The following ANKRD24 variants were observed in gnomAD, a reference collection of about 807,000 sequenced individuals.
ANKRD24 encodes the protein ankyrin repeat domain-containing protein 24.
A neutral mutation model predicts 127.8 loss-of-function variants in ANKRD24; 109 were observed. That is an observed-to-expected ratio of 0.85 (90% confidence interval 0.73 to 1.00). The LOEUF is 1.00. Among genes scored for constraint, ANKRD24 ranks in the 50% least tolerant of loss-of-function variants. The pLI is 0.00. For missense variants in ANKRD24, 1,648 were observed against 1,570.2 expected (o/e 1.05, Z -0.84); for synonymous variants, 743 against 671.1 (o/e 1.11, Z -1.66).
In ANKRD24 at chr19:4,207,964, C is replaced by T. The variant is rs1334584688; in HGVS notation, c.828C>T (p.Pro276=). 2 of 1,491,894 alleles carry T rather than the reference C, an allele frequency of 1.3e-6. No individual in the cohort carries two copies. The highest frequency in any genetic ancestry group is 1.8e-6 in the Non-Finnish European group (2 of 1,122,682). 92.4% of individuals were successfully genotyped at this position (1,491,894 alleles called of 1,614,324 possible). A position where few individuals can be genotyped will look rare whatever the true frequency, so the allele number is the denominator to read the frequency against. Residue 276 remains proline (P), a synonymous_variant, in exon 10 of 22, where the codon CCC becomes CCT. Transcript: ENST00000318934. ...AGGCGGCCCAGCGCCCCTCCCCACC[C>T]AGCGGTATGCAAGCCCCACCTCCCC... ...LQEAAQRPSP[P]SALTEDDSGE...
chr19:4,187,871 G>A lies in ANKRD24; in HGVS notation c.36+1410G>A, dbSNP rs1377203448. ...ATAGGGAGGATTTAGAGAAGTGAAG[G>A]CAGGCACGTGAGGAGCGGGGCACGG... On this transcript the variant is annotated intron_variant, in intron 2 of 21. Transcript: ENST00000318934. Among the ~76,000 whole-genome samples, 3 of 152,150 alleles carry A rather than the reference G, an allele frequency of 2.0e-5. 1 individual carries two copies. The highest frequency in any genetic ancestry group is 4.1e-4 in the South Asian group (2 of 4,830).
intron 7 of ANKRD24, among the ~76,000 whole-genome samples, chr19:4,206,831 C>T (rs1969412572): frequency 6.6e-6 from 1 of 152,180 alleles, no homozygotes; most frequent in Admixed American, 6.6e-5. Context: ...AGCAGGGTCA[C>T]ACCCAGGCAG....
intron 2 of ANKRD24, among the ~76,000 whole-genome samples, chr19:4,190,218 G>A (rs1325034566): frequency 6.6e-6 from 1 of 151,174 alleles, no homozygotes; most frequent in African/African-American, 2.4e-5. Context: ...GGTGGGTCAC[G>A]AGGTCAGGAG....
chr19:4,201,888 G>GA, intron 5 of ANKRD24, 138 bp from the exon 6 acceptor site: 1 of 726,380 alleles, frequency 1.4e-6, no homozygotes, highest in South Asian at 1.7e-5. Flanking sequence ...TTTCTGCAGG[G>GA]AAAAAAGGAG....
intron 18 of ANKRD24, 80 bp from the exon 19 acceptor site, chr19:4,219,511 A>G: frequency 6.8e-7 from 1 of 1,475,492 alleles, no homozygotes; most frequent in South Asian, 1.3e-5. Context: ...AGAACAAAGT[A>G]GAAGGATCAT....
At chr19:4,214,841 G>A (rs1373468612) in intron 15 of ANKRD24, among the ~76,000 whole-genome samples, 10 of 152,056 alleles carry the variant, frequency 6.6e-5, no homozygotes, top group Non-Finnish European at 1.2e-4. Flanking sequence ...GCGACAGAGC[G>A]AGACTCTCTC....
chr19:4,216,995 CAGA>C lies in ANKRD24; in HGVS notation c.1844_1846del (p.Glu615del), dbSNP rs756553980. 17 of 1,613,396 alleles carry C rather than the reference CAGA, an allele frequency of 1.1e-5. No individual in the cohort carries two copies. Among genetic ancestry groups the C allele is most frequent in the Middle Eastern group, 1.6e-4 (1 of 6,084 alleles). Reference sequence around the variant, plus strand: ...GCTGAGGTCAGAGAAATGGAGACCACAGAAGAAGAAGCAAACATGGAAACTAAG... The same window carrying C: ...GCTGAGGTCAGAGAAATGGAGACCACAGAAGAAGCAAACATGGAAACTAAG... On this transcript the variant is annotated inframe_deletion, in exon 18 of 22. Transcript: ENST00000318934.
intron 20 of ANKRD24, among the ~76,000 whole-genome samples, chr19:4,223,372 C>CATACATATATATATATATATATAT (rs1490877860): frequency 1.4e-4 from 10 of 72,896 alleles, no homozygotes; most frequent in African/African-American, 6.9e-4. Flanking sequence ...CCTGGCCATA[C>CATACATATATATATATATATATAT]ATATATATAT....
In ANKRD24 at chr19:4,200,156, A is replaced by G; in HGVS notation, c.328A>G (p.Ser110Gly). ...GATAGCTCATGGCAGCAATGTCATG[A>G]GCGCGGACGGGGCAGGTACTGCCAG... ...VMIAHGSNVM[S>G]ADGAGYNALH... The change falls in exon 5 of 22, where the codon AGC becomes GGC. Residue 110 changes from serine (S) to glycine (G), a missense_variant. By Grantham distance (56) the Ser-to-Gly change is moderately conservative. Coordinates refer to ENST00000318934, the MANE Select transcript of ANKRD24 (RefSeq NM_001393985.1). 1 of 1,606,030 alleles carries G rather than the reference A, an allele frequency of 6.2e-7. No individual in the cohort carries two copies. The highest frequency in any genetic ancestry group is 1.1e-5 in the South Asian group (1 of 89,688).
At position 4,199,370 on chromosome 19, in the gene ANKRD24, C is replaced by T; in HGVS notation, c.37-313C>T. The T allele has an allele frequency of 2.6e-6, 1 of 377,998 alleles. No homozygotes were observed. Among genetic ancestry groups the T allele is most frequent in the Non-Finnish European group, 3.6e-6 (1 of 274,990 alleles). 23.4% of individuals were successfully genotyped at this position (377,998 alleles called of 1,614,324 possible). Reference sequence around the variant, plus strand: ...CAGCTACAGGCATGAGCCACCATGCCCCGCTGATGATTTTTATTTTTTGTA... The same window carrying T: ...CAGCTACAGGCATGAGCCACCATGCTCCGCTGATGATTTTTATTTTTTGTA... On this transcript the variant is annotated intron_variant, in intron 2 of 21. Coordinates refer to ENST00000318934, the MANE Select transcript of ANKRD24 (RefSeq NM_001393985.1). This position sits in a 1 kb window ranked among gnomAD's most constrained non-coding sequence, Gnocchi z 5.2.
intron 10 of ANKRD24, among the ~76,000 whole-genome samples, 199 bp from the exon 11 acceptor site, chr19:4,208,565 G>A (rs897040334): frequency 6.6e-6 from 1 of 151,942 alleles, no homozygotes; most frequent in African/African-American, 2.4e-5. Context: ...TTACAGGCAT[G>A]AGTCACCCCA....
intron 20 of ANKRD24, among the ~76,000 whole-genome samples, chr19:4,223,401 A>ATATATATATAT (rs1192232980): frequency 3.8e-5 from 2 of 53,324 alleles, no homozygotes; most frequent in African/African-American, 9.5e-5. Context: ...ATATATATAT[A>ATATATATATAT]TTTTTTTTTT....
rs532710248 is a variant in ANKRD24, at chr19:4,196,444, C to T, written c.37-3239C>T. Among the ~76,000 whole-genome samples, 13 of 152,224 alleles carry T rather than the reference C, an allele frequency of 8.5e-5. No individual in the cohort carries two copies. In the East Asian group the frequency reaches 2.1e-3, roughly 25 times the overall value. On this transcript the variant is annotated intron_variant, in intron 2 of 21. Coordinates refer to ENST00000318934, the MANE Select transcript of ANKRD24 (RefSeq NM_001393985.1). ...AGGCTGGAGTGCAGTGACGCGATCT[C>T]GGCTTACTGCAACCTCTGCCTCCAG...
rs115236154 is a variant in ANKRD24, at chr19:4,200,894, C to T, written c.343+723C>T. Among the ~76,000 whole-genome samples, 396 of 152,094 alleles carry T rather than the reference C, an allele frequency of 2.6e-3. 1 individual carries two copies. The highest frequency in any genetic ancestry group is 6.9e-3 in the African/African-American group (286 of 41,470). On this transcript the variant is annotated intron_variant, in intron 5 of 21. Transcript: ENST00000318934. ...TTGGGAGATAACTGGGACCATTGGACGAACTAAGCTTTGAGGTGCATCTGG... is the reference window on the plus strand; with the variant it reads ...TTGGGAGATAACTGGGACCATTGGATGAACTAAGCTTTGAGGTGCATCTGG...
intron 10 of ANKRD24, among the ~76,000 whole-genome samples, chr19:4,208,415 G>C (rs577345933): frequency 5.9e-5 from 9 of 152,216 alleles, no homozygotes; most frequent in Non-Finnish European, 1.2e-4. Context: ...TGGAACTCCA[G>C]GTGCCTGCCG....
At chr19:4,189,397 C>T (rs188786314) in intron 2 of ANKRD24, among the ~76,000 whole-genome samples, 28 of 151,714 alleles carry the variant, frequency 1.8e-4, no homozygotes, top group African/African-American at 6.8e-4. Flanking sequence ...ACTACAGGCA[C>T]GCACTACCAC....
At position 4,212,644 on chromosome 19, in the gene ANKRD24, GGA is replaced by G; in HGVS notation, c.1147_1148del (p.Ser383ProfsTer23). The G allele has an allele frequency of 6.4e-7, 1 of 1,551,338 alleles. No homozygotes were observed. The highest frequency in any genetic ancestry group is 8.7e-7 in the Non-Finnish European group (1 of 1,147,048). The part of the protein sequence containing the change: ...QLLVERQEEK[E>X]SLGREVESLQ... ...TGCTGGTGGAGAGACAAGAGGAGAA[GGA>G]GAGCCTGGGACGGGAGGTGGAGAGT... On this transcript the variant is annotated frameshift_variant, in exon 15 of 22. Coordinates refer to ENST00000318934, the MANE Select transcript of ANKRD24 (RefSeq NM_001393985.1). LOFTEE classifies it high-confidence loss of function.
chr19:4,207,429 C>CAGTT (rs1372153094), intron 8 of ANKRD24, 72 bp from the exon 9 acceptor site: 1 of 1,567,588 alleles, frequency 6.4e-7, no homozygotes, highest in East Asian at 2.2e-5. Context: ...AACTCAAGGG[C>CAGTT]AGTTATATAG....
chr19:4,204,863 A>G (rs2145310949), intron 7 of ANKRD24, among the ~76,000 whole-genome samples: 1 of 152,332 alleles, frequency 6.6e-6, no homozygotes, highest in East Asian at 1.9e-4. Flanking sequence ...GCACTCTGGG[A>G]GGCCCAGGCG....
Sources: allele counts gnomAD v4.1 joint callset (sites outside exome capture counted in the v4.1 genomes callset), GRCh38; gene constraint gnomAD v4.1.1; non-coding constraint Gnocchi (gnomAD v3.1); transcripts MANE v1.5; gene names NCBI Gene and HGNC (gene_info 2026-07-23, HGNC 2026-07-21).